The following VPS37C variants were observed in gnomAD, a reference collection of about 807,000 sequenced individuals.
VPS37C encodes vacuolar protein sorting-associated protein 37C.
Under a neutral mutation model 16.1 loss-of-function variants are expected in VPS37C, and 9 were observed. The ratio of observed to expected loss-of-function variants is 0.56; its 90% CI spans 0.34 to 0.97. VPS37C has a LOEUF of 0.97. Ranked by LOEUF, VPS37C falls within the 50% of genes least tolerant of loss-of-function variation. The pLI is 0.02. For synonymous variants in VPS37C, 207 were observed against 206.4 expected, an observed-to-expected ratio of 1.00 and a Z score of -0.02; for missense variants, 479 against 472.7, an observed-to-expected ratio of 1.01 and a Z score of -0.12.
intron 1 of VPS37C, among the ~76,000 whole-genome samples, chr11:61,140,775 A>G (rs611706): frequency 0.57 from 87,125 of 152,096 alleles, 25,813 homozygotes; most frequent in East Asian, 0.99. Context: ...CTCCCCTTAC[A>G]AGGAGAGGTA....
chr11:61,147,112 T>A (rs2134646197), intron 1 of VPS37C, among the ~76,000 whole-genome samples: 1 of 152,260 alleles, frequency 6.6e-6, no homozygotes, highest in South Asian at 2.1e-4. Context: ...AGGTGTGACC[T>A]GAATTGATGC....
chr11:61,145,968 G>A (rs952683845), intron 1 of VPS37C, among the ~76,000 whole-genome samples: 6 of 152,224 alleles, frequency 3.9e-5, no homozygotes, highest in Admixed American at 6.5e-5. Flanking sequence ...TGCTGCGCAC[G>A]AGTAGGGAGT....
intron 1 of VPS37C, among the ~76,000 whole-genome samples, chr11:61,141,406 G>A (rs1394382371): frequency 6.6e-6 from 1 of 151,920 alleles, no homozygotes; most frequent in East Asian, 1.9e-4. Context: ...AAAAGCTAGA[G>A]CTAGAGCAGG....
intron 1 of VPS37C, among the ~76,000 whole-genome samples, chr11:61,148,635 C>A (rs965019016): frequency 2.6e-5 from 4 of 151,482 alleles, no homozygotes; most frequent in African/African-American, 7.3e-5. Flanking sequence ...TCCAAAGCAG[C>A]ACTGAACTGA....
At chr11:61,141,376 AAAAAG>A (rs1258300960) in intron 1 of VPS37C, among the ~76,000 whole-genome samples, 4 of 152,066 alleles carry the variant, frequency 2.6e-5, no homozygotes, top group African/African-American at 7.2e-5. Context: ...TCAAAAAAAA[AAAAAG>A]AAAAGAAAGT....
chr11:61,154,322 T>A (rs1017848278), intron 1 of VPS37C, among the ~76,000 whole-genome samples: 2 of 152,058 alleles, frequency 1.3e-5, no homozygotes, highest in African/African-American at 4.8e-5. Flanking sequence ...AAAACTATAT[T>A]CCATATGTTC....
At chr11:61,141,167 G>A (rs1040603292) in intron 1 of VPS37C, among the ~76,000 whole-genome samples, 1 of 152,106 alleles carries the variant, frequency 6.6e-6, no homozygotes, top group Admixed American at 6.5e-5. Flanking sequence ...TCAGGAGTTC[G>A]CGACCAGCCT....
At chr11:61,147,507 C>T (rs535816561) in intron 1 of VPS37C, among the ~76,000 whole-genome samples, 143 of 152,212 alleles carry the variant, frequency 9.4e-4, no homozygotes, top group Non-Finnish European at 1.7e-3. Flanking sequence ...AGCAAGGAGG[C>T]CACAGAACTT....
At chr11:61,150,671 T>C (rs1459366433) in intron 1 of VPS37C, among the ~76,000 whole-genome samples, 9 of 152,032 alleles carry the variant, frequency 5.9e-5, no homozygotes, top group Admixed American at 5.9e-4. Flanking sequence ...ACAGCTCAGT[T>C]TCCCCCTTGA....
rs778178208 is a variant in VPS37C at position 61,134,202 on chromosome 11, C to T, written c.99G>A (p.Gln33=). Residue 33 remains glutamine (Q), a synonymous_variant, in exon 3 of 5, where the codon CAG becomes CAA. Transcript: ENST00000301765. ...CCATCTCCCGTTCCAGCTGTAGGTCCTGGACCTAAAAGGGCAGGACAACAG... is the reference window on the plus strand; with the variant it reads ...CCATCTCCCGTTCCAGCTGTAGGTCTTGGACCTAAAAGGGCAGGACAACAG... ...DQLALESPEV[Q]DLQLEREMAL... 41 of 1,611,454 alleles carry T rather than the reference C, an allele frequency of 2.5e-5. No individual in the cohort carries two copies. Among genetic ancestry groups the T allele is most frequent in the Admixed American group, 1.0e-4 (6 of 59,928 alleles).
chr11:61,133,927 G>T, intron 3 of VPS37C, 109 bp downstream of exon 3: 1 of 1,327,974 alleles, frequency 7.5e-7, no homozygotes, highest in Non-Finnish European at 1.0e-6. Flanking sequence ...ACCCTTCTAT[G>T]GCTGTTGTGA....
intron 1 of VPS37C, among the ~76,000 whole-genome samples, chr11:61,141,062 A>T (rs183283930): frequency 6.6e-6 from 1 of 152,300 alleles, no homozygotes; most frequent in African/African-American, 2.4e-5. Flanking sequence ...AAATGAAATA[A>T]AATAATGAAA....
chr11:61,133,140 C>T, intron 4 of VPS37C, 115 bp downstream of exon 4: 1 of 1,180,904 alleles, frequency 8.5e-7, no homozygotes, highest in Non-Finnish European at 1.2e-6. Context: ...CCTCTGCCAT[C>T]TACGAAAGCT....
chr11:61,160,744 G>A (rs1260495771), intron 1 of VPS37C, among the ~76,000 whole-genome samples: 1 of 152,190 alleles, frequency 6.6e-6, no homozygotes, highest in Non-Finnish European at 1.5e-5. Context: ...CATCGGCTGA[G>A]GAGGAAATGA....
intron 2 of VPS37C, among the ~76,000 whole-genome samples, chr11:61,137,001 C>A (rs559825192): frequency 6.6e-6 from 1 of 151,894 alleles, no homozygotes; most frequent in Non-Finnish European, 1.5e-5. Flanking sequence ...AAAGTAAGAC[C>A]CTGCCTAAAA....
chr11:61,136,995 T>A (rs1302280148), intron 2 of VPS37C, among the ~76,000 whole-genome samples: 10 of 152,096 alleles, frequency 6.6e-5, no homozygotes, highest in Non-Finnish European at 1.3e-4. Context: ...GGTGACAAAG[T>A]AAGACCCTGC....
chr11:61,143,929 G>A (rs1861515780), intron 1 of VPS37C: 1 of 151,478 alleles, frequency 6.6e-6, no homozygotes, highest in African/African-American at 2.4e-5. Context: ...CAAAGTGCTG[G>A]GATTACAGGC....
intron 1 of VPS37C, chr11:61,160,931 A>C (rs1440351470): frequency 6.6e-6 from 1 of 152,484 alleles, no homozygotes; most frequent in Non-Finnish European, 1.5e-5. Context: ...AGTAAGTCAC[A>C]GAGCAAAGTC....
intron 1 of VPS37C, among the ~76,000 whole-genome samples, chr11:61,139,045 T>C (rs1861429494): frequency 6.6e-6 from 1 of 151,966 alleles, no homozygotes; most frequent in Non-Finnish European, 1.5e-5. Flanking sequence ...AGCTGCTCCC[T>C]CCACCCTCTC....
Sources: allele counts gnomAD v4.1 joint callset (sites outside exome capture counted in the v4.1 genomes callset), GRCh38; gene constraint gnomAD v4.1.1; transcripts MANE v1.5; gene names NCBI Gene and HGNC (gene_info 2026-07-23, HGNC 2026-07-21).